NBEA: variants seen among roughly 807,000 people sequenced by gnomAD.
NBEA encodes the protein lysosomal-trafficking regulator 2.
NBEA carries 44 observed loss-of-function variants against 343.4 expected under a neutral mutation model. The ratio of observed to expected loss-of-function variants is 0.13; its 90% CI spans 0.10 to 0.16. The LOEUF is 0.16. Among genes scored for constraint, NBEA ranks in the 10% least tolerant of loss-of-function variants. NBEA has a pLI of 1.00. For missense variants in NBEA, 2,555 were observed against 3,631.3 expected (o/e 0.70, Z 7.62); for synonymous variants, 1,175 against 1,238.7 (o/e 0.95, Z 1.08).
At chr13:35,212,391 A>G (rs955854700) in intron 33 of NBEA, among the ~76,000 whole-genome samples, 1 of 152,060 alleles carries the variant, frequency 6.6e-6, no homozygotes, top group African/African-American at 2.4e-5. Flanking sequence ...ACCATAATTT[A>G]TTAATTCATT....
intron 18 of NBEA, among the ~76,000 whole-genome samples, chr13:35,142,646 A>G (rs1566355099): frequency 6.6e-6 from 1 of 152,172 alleles, no homozygotes; most frequent in Non-Finnish European, 1.5e-5. Flanking sequence ...AGTCTTTCTC[A>G]CATAAACTAC....
chr13:35,367,265 A>G lies in NBEA; in HGVS notation c.6179+14942A>G, dbSNP rs2041173174. On this transcript the variant is annotated intron_variant, in intron 38 of 58. Coordinates refer to ENST00000379939, the MANE Select transcript of NBEA (RefSeq NM_001385012.1). ...TTTTGAAGCCTGTCAGTAAAGAAAA[A>G]CAATATTACTATGATGTATAAGTCC... Among the ~76,000 whole-genome samples, 3 of 151,460 alleles carry G rather than the reference A, an allele frequency of 2.0e-5. No individual in the cohort carries two copies. The South Asian group carries it at 6.2e-4, about 31-fold the overall frequency.
intron 1 of NBEA, among the ~76,000 whole-genome samples, chr13:34,982,418 G>C (rs1030782759): frequency 6.6e-6 from 1 of 151,966 alleles, no homozygotes; most frequent in Admixed American, 6.6e-5. Context: ...TCCTGCCTCA[G>C]CCTCCCTAGT....
intron 1 of NBEA, among the ~76,000 whole-genome samples, chr13:35,000,457 C>T (rs1164184459): frequency 6.6e-6 from 1 of 151,974 alleles, no homozygotes; most frequent in Non-Finnish European, 1.5e-5. Flanking sequence ...ATGTAAACTG[C>T]TATAATAATA....
chr13:35,640,849 T>C (rs2083911122), intron 49 of NBEA, among the ~76,000 whole-genome samples: 1 of 152,188 alleles, frequency 6.6e-6, no homozygotes, highest in South Asian at 2.1e-4. Context: ...CATTTATCTT[T>C]ACTTCTCTGC....
chr13:35,353,447 T>C (rs112677744), intron 38 of NBEA, among the ~76,000 whole-genome samples: 5 of 151,964 alleles, frequency 3.3e-5, no homozygotes, highest in African/African-American at 1.2e-4. Context: ...AAAAAAAAGA[T>C]TCTGTTAGAG....
chr13:35,334,056 T>C (rs918262831), intron 36 of NBEA, among the ~76,000 whole-genome samples: 1 of 152,088 alleles, frequency 6.6e-6, no homozygotes, highest in African/African-American at 2.4e-5. Context: ...TTGGAGTATA[T>C]ACCCAGCACT....
chr13:34,979,097 T>G (rs2060271976), intron 1 of NBEA, among the ~76,000 whole-genome samples: 1 of 152,204 alleles, frequency 6.6e-6, no homozygotes, highest in African/African-American at 2.4e-5. Flanking sequence ...AGATCTCTTT[T>G]CCCCAGCATT....
intron 10 of NBEA, among the ~76,000 whole-genome samples, chr13:35,088,414 T>C (rs2064885047): frequency 6.6e-6 from 1 of 151,944 alleles, no homozygotes; most frequent in African/African-American, 2.4e-5. Context: ...TGAGCTATTG[T>C]AATATAATCC....
At chr13:35,662,080 A>T (rs1219598237) in intron 55 of NBEA, among the ~76,000 whole-genome samples, 2 of 150,788 alleles carry the variant, frequency 1.3e-5, no homozygotes, top group Non-Finnish European at 3.0e-5. Flanking sequence ...TCACTAAAAA[A>T]CCTCTCCTGT....
At chr13:35,475,709 T>C in intron 41 of NBEA, 1 of 1,613,756 alleles carries the variant, frequency 6.2e-7, no homozygotes, top group Non-Finnish European at 8.5e-7. Context: ...TCCCGGTAGC[T>C]ACATTTGTCT....
At chr13:35,218,469 A>T (rs2152759225) in intron 33 of NBEA, among the ~76,000 whole-genome samples, 1 of 152,142 alleles carries the variant, frequency 6.6e-6, no homozygotes, top group Non-Finnish European at 1.5e-5. Context: ...TTTTTCTCCC[A>T]TTAAAATCCT....
chr13:35,472,442 T>C lies in NBEA; in HGVS notation c.6491T>C (p.Val2164Ala), dbSNP rs186774202. The C allele has an allele frequency of 5.0e-6, 8 of 1,614,006 alleles. No individual in the cohort carries two copies. In the African/African-American group the frequency reaches 9.3e-5, roughly 19 times the overall value. The change falls in exon 41 of 59, where the codon GTG becomes GCG. Residue 2164 changes from valine to alanine, a missense_variant. Val to Ala is a moderately conservative substitution (Grantham distance 64, BLOSUM62 0). This residue lies in a region of NBEA where 246 missense variants were observed against 313.7 expected (regional missense o/e 0.78). Coordinates refer to ENST00000379939, the MANE Select transcript of NBEA (RefSeq NM_001385012.1). ...ACCCCTGCCCAGCTCATCGCTCCCG[T>C]GGTGGTGGCCAAGGGGACTCTCTCC... ...LSTPAQLIAP[V>A]VVAKGTLSIT...
intron 40 of NBEA, among the ~76,000 whole-genome samples, chr13:35,467,292 T>G (rs1313080822): frequency 2.0e-5 from 3 of 151,938 alleles, no homozygotes; most frequent in Non-Finnish European, 2.9e-5. Context: ...GCCAACATGG[T>G]GAAACACCAT....
In NBEA at chr13:35,009,498, C is replaced by T. The variant is rs78606405; in HGVS notation, c.295-31435C>T. On this transcript the variant is annotated intron_variant, in intron 1 of 58. Transcript: ENST00000379939. ...AACAGAAAGTATAAAGACCCCGAGT[C>T]AAAAATGAGCTGTCCCACTGTCCAA... Among the ~76,000 whole-genome samples, 232 of 152,198 alleles carry T rather than the reference C, an allele frequency of 1.5e-3. 4 individuals are homozygous for T. The East Asian group carries it at 0.043, about 29-fold the overall frequency.
At chr13:35,180,898 A>G (rs552366777) in intron 28 of NBEA, among the ~76,000 whole-genome samples, 4 of 151,846 alleles carry the variant, frequency 2.6e-5, no homozygotes, top group Non-Finnish European at 5.9e-5. Flanking sequence ...CTTAGCTTCC[A>G]CTTATGAGTG....
chr13:35,249,065 C>A (rs2031615852), intron 34 of NBEA, among the ~76,000 whole-genome samples: 1 of 146,872 alleles, frequency 6.8e-6, no homozygotes, highest in Non-Finnish European at 1.5e-5. Flanking sequence ...AGGGGAATTG[C>A]TTGAACCTGG....
intron 36 of NBEA, among the ~76,000 whole-genome samples, chr13:35,334,735 C>G (rs977538961): frequency 6.6e-6 from 1 of 152,102 alleles, no homozygotes; most frequent in Non-Finnish European, 1.5e-5. Context: ...ATTTGAGCTC[C>G]TTATATATTC....
In NBEA at chr13:35,668,360, T is replaced by C. The variant is rs115192506; in HGVS notation, c.8662-8T>C. On this transcript the variant is annotated splice_region_variant and splice_polypyrimidine_tract_variant and intron_variant, in intron 57 of 58. Transcript: ENST00000379939. ...TTTTTTTGTTTGTTTGTTTTACCTT[T>C]TCTGAAGGCCATTCTCCTGAGCAGT... The C allele has an allele frequency of 1.6e-3, 2,593 of 1,586,522 alleles. 32 individuals are homozygous for C. The African/African-American group carries it at 0.031, about 19-fold the overall frequency.
Sources: allele counts gnomAD v4.1 joint callset (sites outside exome capture counted in the v4.1 genomes callset), GRCh38; gene constraint gnomAD v4.1.1; regional missense constraint gnomAD v4.1.1; transcripts MANE v1.5; gene names NCBI Gene and HGNC (gene_info 2026-07-23, HGNC 2026-07-21).